The following RIN3 variants were observed in gnomAD, a reference collection of about 807,000 sequenced individuals.
RIN3 encodes the protein Ras and Rab interactor 3.
In RIN3, 54 loss-of-function variants were observed where a neutral mutation model predicts 76.3. The observed-to-expected ratio is 0.71, with a 90% CI of 0.57 to 0.89. RIN3 has a LOEUF of 0.89. Among genes scored for constraint, RIN3 ranks in the 40% least tolerant of loss-of-function variants. RIN3 has a pLI of 0.00. For synonymous variants in RIN3, 576 were observed against 564.0 expected (o/e 1.02, Z -0.30); for missense variants, 1,256 against 1,322.1 (o/e 0.95, Z 0.78).
In RIN3 at chr14:92,533,297, G is replaced by A. The variant is rs180821995; in HGVS notation, c.44+19321G>A. ...AGTAGCACAACCATTATGGAAAACA[G>A]TGTGCAGATTCCTTAAAGAACTAAA... On this transcript the variant is annotated intron_variant, in intron 1 of 9. Coordinates refer to ENST00000216487, the MANE Select transcript of RIN3 (RefSeq NM_024832.5). 6.6e-5 allele frequency among the ~76,000 whole-genome samples: 10 copies of A among 152,316 alleles called. No homozygotes were observed. In the East Asian group the frequency reaches 1.9e-3, roughly 29 times the overall value.
chr14:92,629,254 C>T (rs1886474902), intron 4 of RIN3, among the ~76,000 whole-genome samples: 1 of 152,242 alleles, frequency 6.6e-6, no homozygotes, highest in South Asian at 2.1e-4. Context: ...TTCCTCCCCG[C>T]TGGCTCGCCA....
intron 1 of RIN3, among the ~76,000 whole-genome samples, chr14:92,526,688 G>A (rs193259843): frequency 1.2e-4 from 19 of 152,336 alleles, no homozygotes; most frequent in Admixed American, 9.1e-4. Context: ...GGGAGGCAGA[G>A]GTTGCAGTGA....
Position 92,547,092 on chromosome 14 carries a change from ATT to A in RIN3, c.45-8658_45-8657del, listed in dbSNP as rs1566836605. Among the ~76,000 whole-genome samples, 140 of 87,764 alleles carry A rather than the reference ATT, an allele frequency of 1.6e-3. 25 individuals carry two copies. Among genetic ancestry groups the A allele is most frequent in the East Asian group, 5.0e-3 (24 of 4,772 alleles). 57.6% of individuals were successfully genotyped at this position (87,764 alleles called of 152,430 possible). ...TTTATTTTATATTATATTATATTAT[ATT>A]ATAATTAAATAAATTATCTTTATTT... On this transcript the variant is annotated intron_variant, in intron 1 of 9. Coordinates refer to ENST00000216487, the MANE Select transcript of RIN3 (RefSeq NM_024832.5).
intron 4 of RIN3, among the ~76,000 whole-genome samples, chr14:92,625,518 C>T (rs1242364601): frequency 6.6e-6 from 1 of 152,170 alleles, no homozygotes; most frequent in East Asian, 1.9e-4. Context: ...GGCTTCAACT[C>T]AATGGGTGAG....
At chr14:92,545,575 T>A (rs1897241758) in intron 1 of RIN3, among the ~76,000 whole-genome samples, 1 of 130,008 alleles carries the variant, frequency 7.7e-6, no homozygotes, top group Middle Eastern at 4.3e-3. Flanking sequence ...TTTTCTTTTT[T>A]CTTTTTCTTT....
At chr14:92,527,501 G>A (rs1878209178) in intron 1 of RIN3, among the ~76,000 whole-genome samples, 1 of 152,102 alleles carries the variant, frequency 6.6e-6, no homozygotes, top group Admixed American at 6.5e-5. Flanking sequence ...TCTTTTGGGG[G>A]GATGTGATGG....
chr14:92,543,427 A>ATC (rs1897170357), intron 1 of RIN3, among the ~76,000 whole-genome samples: 1 of 152,052 alleles, frequency 6.6e-6, no homozygotes, highest in African/African-American at 2.4e-5. Context: ...AAACAGATAC[A>ATC]ACTGCTGCTT....
intron 4 of RIN3, among the ~76,000 whole-genome samples, chr14:92,633,157 G>A (rs1886651651): frequency 1.3e-5 from 2 of 152,164 alleles, no homozygotes; most frequent in South Asian, 4.1e-4. Context: ...AGGGAGCAGG[G>A]GGAGACTGTG....
chr14:92,561,744 G>A (rs1411187193), intron 2 of RIN3, among the ~76,000 whole-genome samples: 1 of 152,172 alleles, frequency 6.6e-6, no homozygotes, highest in Non-Finnish European at 1.5e-5. Flanking sequence ...GAGTGCAGTG[G>A]CGCGATCATG....
chr14:92,627,383 T>A (rs1327444132), intron 4 of RIN3, among the ~76,000 whole-genome samples: 1 of 152,258 alleles, frequency 6.6e-6, no homozygotes, highest in Non-Finnish European at 1.5e-5. Flanking sequence ...CATGGCAGGA[T>A]CTGCCCTAAG....
At chr14:92,557,753 C>A (rs982068392) in intron 2 of RIN3, among the ~76,000 whole-genome samples, 3 of 152,186 alleles carry the variant, frequency 2.0e-5, no homozygotes, top group Non-Finnish European at 2.9e-5. Flanking sequence ...GGTCTCCTGC[C>A]AGTGGGTGTT....
chr14:92,559,442 T>A (rs1194865687), intron 2 of RIN3, among the ~76,000 whole-genome samples: 1 of 152,238 alleles, frequency 6.6e-6, no homozygotes, highest in African/African-American at 2.4e-5. Flanking sequence ...GACATAAAAG[T>A]AATTTTCTGA....
At chr14:92,610,446 T>A (rs1409472304) in intron 3 of RIN3, among the ~76,000 whole-genome samples, 1 of 152,222 alleles carries the variant, frequency 6.6e-6, no homozygotes, top group Non-Finnish European at 1.5e-5. Flanking sequence ...TTACGGGTCC[T>A]CACTGTGTGG....
chr14:92,616,773 C>T (rs28755405), intron 4 of RIN3, among the ~76,000 whole-genome samples: 14,101 of 151,968 alleles, frequency 0.093, 753 homozygotes, highest in African/African-American at 0.13. Flanking sequence ...GGTCTCTATG[C>T]GAGAGGAAAT....
intron 8 of RIN3, among the ~76,000 whole-genome samples, chr14:92,683,113 G>A (rs1350753100): frequency 6.6e-6 from 1 of 152,074 alleles, no homozygotes; most frequent in Non-Finnish European, 1.5e-5. Context: ...GTTGCAATGT[G>A]CCTAGATCAC....
rs1419860490 is a variant in RIN3 at position 92,552,851 on chromosome 14, C to T, written c.45-2900C>T. On this transcript the variant is annotated intron_variant, in intron 1 of 9. Transcript: ENST00000216487. ...CGCCTCTTCCCCTAGAATGTAAATA[C>T]CGTGAAGGTTTTGGGTTTTTTTTAA... is the stretch of plus-strand genomic sequence containing the variant. Among the ~76,000 whole-genome samples the T allele has an allele frequency of 2.0e-5, 3 of 151,884 alleles. No individual in the cohort carries two copies. The South Asian group carries it at 6.2e-4, about 32-fold the overall frequency.
At chr14:92,608,004 G>C (rs900255041) in intron 3 of RIN3, among the ~76,000 whole-genome samples, 4 of 152,232 alleles carry the variant, frequency 2.6e-5, no homozygotes, top group African/African-American at 9.6e-5. Context: ...AGTTGTCAGG[G>C]CTAGTGATGG....
intron 3 of RIN3, among the ~76,000 whole-genome samples, chr14:92,587,977 T>A (rs1319038860): frequency 5.9e-5 from 9 of 152,164 alleles, no homozygotes; most frequent in Non-Finnish European, 1.2e-4. Context: ...AGATGGCTCC[T>A]TGAAGCTGTG....
chr14:92,636,456 C>T (rs559396078), intron 4 of RIN3, among the ~76,000 whole-genome samples: 27 of 152,194 alleles, frequency 1.8e-4, no homozygotes, highest in South Asian at 1.5e-3. Flanking sequence ...TGGTGGCACA[C>T]GCCTGTAATC....
Sources: allele counts gnomAD v4.1 joint callset (sites outside exome capture counted in the v4.1 genomes callset), GRCh38; gene constraint gnomAD v4.1.1; transcripts MANE v1.5; gene names NCBI Gene and HGNC (gene_info 2026-07-23, HGNC 2026-07-21).